AGRN: variants seen among roughly 807,000 people sequenced by gnomAD.
The protein encoded by AGRN is agrin proteoglycan.
AGRN carries 106 observed loss-of-function variants against 211.0 expected under a neutral mutation model. That is an observed-to-expected ratio of 0.50 (90% CI 0.43 to 0.59). The LOEUF (loss-of-function observed/expected upper bound fraction) is 0.59. Among genes scored for constraint, AGRN ranks in the 20% least tolerant of loss-of-function variants. The probability of loss-of-function intolerance (pLI) is 0.00; values close to 1 mark genes in which losing one functional copy is unlikely to be tolerated. For missense variants in AGRN, 3,040 were observed against 2,982.6 expected, an observed-to-expected ratio of 1.02 and a Z score of -0.45; for synonymous variants, 1,525 against 1,332.5, an observed-to-expected ratio of 1.14 and a Z score of -3.15.
chr1:1,046,837 G>A lies in AGRN; in HGVS notation c.3268G>A (p.Gly1090Ser). 6.3e-7 allele frequency: 1 copy of A among 1,586,002 alleles called. No homozygotes were observed. The highest frequency in any genetic ancestry group is 1.1e-5 in the South Asian group (1 of 87,486). ...CTCCCCAGGGCTCGAGCCCTTGGAG[G>A]GCAGCAGCGTGGCCACCCCTGGGCC... ...GGSGGLEPLE[G>S]SSVATPGPPV... The change falls in exon 19 of 36, where the codon GGC (glycine) becomes AGC (serine). Residue 1090 changes from glycine to serine, a missense_variant. Gly to Ser is a moderately conservative substitution (Grantham distance 56). Around this residue, in one of 3 missense-constraint regions of AGRN, gnomAD observed 1,537 missense variants for 1,505.0 expected, o/e 1.02. Transcript: ENST00000379370.
Position 1,055,199 on chromosome 1 carries a change from C to T in AGRN, c.*218C>T. On this transcript the variant is annotated 3_prime_UTR_variant, in exon 36 of 36. Transcript: ENST00000379370. Reference sequence around the variant, plus strand: ...CGGCGTGGATGGCAGCCTCAGGACACACACCCCTGCCTCAAGGTGCTGAGC... The same window carrying T: ...CGGCGTGGATGGCAGCCTCAGGACATACACCCCTGCCTCAAGGTGCTGAGC... 2 of 712,904 alleles carry T rather than the reference C, an allele frequency of 2.8e-6. No homozygotes were observed. The highest frequency in any genetic ancestry group is 1.7e-5 in the South Asian group (1 of 58,106). The allele number at this position is 712,904 out of a possible 1,614,324, so 44.2% of individuals were successfully genotyped here. A position where few individuals can be genotyped will look rare whatever the true frequency, so the allele number is the denominator to read the frequency against.
rs929111684 is a variant in AGRN at position 1,047,058 on chromosome 1, C to A, written c.3388+101C>A. 2.6e-5 allele frequency: 39 copies of A among 1,520,648 alleles called. No homozygotes were observed. In the African/African-American group the frequency reaches 5.0e-4, roughly 19 times the overall value. The allele number at this position is 1,520,648 out of a possible 1,614,324, so 94.2% of individuals were successfully genotyped here. A position where few individuals can be genotyped will look rare whatever the true frequency, so the allele number is the denominator to read the frequency against. On this transcript the variant is annotated intron_variant, in intron 19 of 35. Coordinates refer to ENST00000379370, the MANE Select transcript of AGRN (RefSeq NM_198576.4). ...GCAGGTCAGTGCCGGGGGTTATGGT[C>A]TTGGGACTCGGCCCCCTCAAACATG...
Position 1,049,292 on chromosome 1 carries a change from G to A in AGRN, c.4355G>A (p.Gly1452Asp), listed in dbSNP as rs1645202300. The A allele has an allele frequency of 1.3e-6, 2 of 1,597,024 alleles. No individual in the cohort carries two copies. The highest frequency in any genetic ancestry group is 1.7e-6 in the Non-Finnish European group (2 of 1,178,690). The change falls in exon 25 of 36, where the codon GGC becomes GAC. Residue 1452 changes from glycine to aspartate, a missense_variant. By Grantham distance (94) the Gly-to-Asp change is moderately conservative (BLOSUM62 -1). Around this residue, in one of 3 missense-constraint regions of AGRN, gnomAD observed 1,537 missense variants for 1,505.0 expected, o/e 1.02. Coordinates refer to ENST00000379370, the MANE Select transcript of AGRN (RefSeq NM_198576.4). ...VLTSAVPVEP[G>D]QWHRLELSRH... Reference sequence around the variant, plus strand: ...ACCAGTGCCGTGCCGGTAGAGCCGGGCCAGTGGCACCGCCTGGAGCTGTCC... The same window carrying A: ...ACCAGTGCCGTGCCGGTAGAGCCGGACCAGTGGCACCGCCTGGAGCTGTCC...
intron 2 of AGRN, among the ~76,000 whole-genome samples, chr1:1,024,962 G>T (rs941761515): frequency 2.6e-5 from 4 of 152,202 alleles, no homozygotes; most frequent in Admixed American, 2.6e-4. Context: ...CAGGGCTGGC[G>T]GCTGAGCGGG....
At chr1:1,020,894 G>A (rs866736636) in intron 1 of AGRN, among the ~76,000 whole-genome samples, 2 of 147,424 alleles carry the variant, frequency 1.4e-5, no homozygotes, top group African/African-American at 5.0e-5. Context: ...GCCGTCACCG[G>A]GCCTCGTGTG....
At chr1:1,049,847 G>C in intron 26 of AGRN, 52 bp downstream of exon 26, 1 of 1,611,224 alleles carries the variant, frequency 6.2e-7, no homozygotes, top group African/African-American at 1.3e-5. Context: ...CCTGTGGGCG[G>C]TACCCAACCG....
At position 1,022,313 on chromosome 1, in the gene AGRN, A is replaced by G. The variant is rs879253787; in HGVS notation, c.314A>G (p.Asn105Ser). Residue 105 changes from asparagine to serine, a missense_variant, in exon 2 of 36, where the codon AAC (asparagine) becomes AGC (serine). Asn to Ser is a conservative substitution (Grantham distance 46). Transcript: ENST00000379370. ...SGFGDPLICD[N>S]QVSTGDTRIF... is the part of the protein sequence containing the mutation. Reference sequence around the variant, plus strand: ...TTTGGAGACCCCCTCATCTGTGACAACCAGGTGTCCACTGGGGACACCAGG... The same window carrying G: ...TTTGGAGACCCCCTCATCTGTGACAGCCAGGTGTCCACTGGGGACACCAGG... The G allele has an allele frequency of 1.2e-6, 2 of 1,613,174 alleles. No individual in the cohort carries two copies. The highest frequency in any genetic ancestry group is 1.7e-6 in the Non-Finnish European group (2 of 1,180,008).
Position 1,032,092 on chromosome 1 carries a change from T to A in AGRN, c.464-3185T>A, listed in dbSNP as rs1362889151. Among the ~76,000 whole-genome samples the A allele has an allele frequency of 6.6e-6, 1 of 151,224 alleles. No individual in the cohort carries two copies. The highest frequency in any genetic ancestry group is 1.5e-5 in the Non-Finnish European group (1 of 67,838). ...AGTGCCAAGGTCCAGCAGGGTGGGG[T>A]GGTTGGGGTAGGAGCTCCCCTGAGG... On this transcript the variant is annotated intron_variant, in intron 2 of 35. Transcript: ENST00000379370. The surrounding 1 kb of genome is among the most constrained non-coding windows in gnomAD (Gnocchi z 4.7).
In AGRN at chr1:1,045,407, C is replaced by A; in HGVS notation, c.2420C>A (p.Pro807Gln). The change falls in exon 14 of 36, where the codon CCA becomes CAA. Residue 807 changes from proline to glutamine, a missense_variant. Pro to Gln is a moderately conservative substitution (Grantham distance 76). This residue lies in a region of AGRN where 1,498 missense variants were observed against 1,457.8 expected (regional missense o/e 1.03). Coordinates refer to ENST00000379370, the MANE Select transcript of AGRN (RefSeq NM_198576.4). Reference sequence around the variant, plus strand: ...GGCTCTTACGGCGGCACCTGTGACCCAGCCACAGGCCAGTGCTCCTGCCGC... The same window carrying A: ...GGCTCTTACGGCGGCACCTGTGACCAAGCCACAGGCCAGTGCTCCTGCCGC... ...PHGSYGGTCD[P>Q]ATGQCSCRPG... 3 of 1,611,922 alleles carry A rather than the reference C, an allele frequency of 1.9e-6. No homozygotes were observed. The highest frequency in any genetic ancestry group is 2.5e-6 in the Non-Finnish European group (3 of 1,179,810).
At chr1:1,034,809 C>T (rs1016949869) in intron 2 of AGRN, 21 of 749,612 alleles carry the variant, frequency 2.8e-5, no homozygotes, top group South Asian at 4.8e-5. Flanking sequence ...CCGGCAGCTT[C>T]CCGGGGATGG....
intron 33 of AGRN, chr1:1,052,789 CATGT>C (rs1283919720): frequency 2.8e-4 from 43 of 151,400 alleles, no homozygotes; most frequent in Middle Eastern, 3.9e-3. Flanking sequence ...CACATGGGTC[CATGT>C]ATGTGTGTGT....
rs1645284499 is a variant in AGRN at position 1,051,377 on chromosome 1, G to A, written c.5370+8G>A. The A allele has an allele frequency of 9.0e-6, 14 of 1,559,078 alleles. No individual in the cohort carries two copies. Among genetic ancestry groups the A allele is most frequent in the Non-Finnish European group, 1.1e-5 (13 of 1,153,730 alleles). On this transcript the variant is annotated splice_region_variant and intron_variant, in intron 31 of 35. Transcript: ENST00000379370. ...GACGGTGCCATCCAGCTGGTATGTG[G>A]GGGCGGGGCGTCCCAGCAGGGCCTC...
At chr1:1,029,202 C>A (rs1292606829) in intron 2 of AGRN, among the ~76,000 whole-genome samples, 1 of 152,224 alleles carries the variant, frequency 6.6e-6, no homozygotes, top group East Asian at 1.9e-4. Flanking sequence ...CCAACCCCCA[C>A]CTTCTGAGGG....
chr1:1,046,514 G>T lies in AGRN; in HGVS notation c.3029G>T (p.Ser1010Ile). ...PPGALPLAPS[S>I]TAHSQTTPPP... Reference sequence around the variant, plus strand: ...GGCGCCCTCCCCCTGGCTCCCAGCAGTACCGCACACAGCCAGACCACCCCT... The same window carrying T: ...GGCGCCCTCCCCCTGGCTCCCAGCATTACCGCACACAGCCAGACCACCCCT... The change falls in exon 18 of 36, where the codon AGT becomes ATT. Residue 1010 changes from serine (S) to isoleucine (I), a missense_variant. Ser to Ile is a moderately radical substitution (Grantham distance 142). This residue lies in a region of AGRN where 1,537 missense variants were observed against 1,505.0 expected (regional missense o/e 1.02). Coordinates refer to ENST00000379370, the MANE Select transcript of AGRN (RefSeq NM_198576.4). 1 of 1,609,794 alleles carries T rather than the reference G, an allele frequency of 6.2e-7. No homozygotes were observed. Among genetic ancestry groups the T allele is most frequent in the Non-Finnish European group, 8.5e-7 (1 of 1,178,014 alleles).
rs374230348 is a variant in AGRN at position 1,041,965 on chromosome 1, C to G, written c.1187C>G (p.Pro396Arg). The G allele has an allele frequency of 6.2e-7, 1 of 1,611,530 alleles. No individual in the cohort carries two copies. Among genetic ancestry groups the G allele is most frequent in the South Asian group, 1.1e-5 (1 of 91,066 alleles). ...CACCCCTGCGTCCTAGACCAGTGCC[C>G]GGAGCCCTGCCGGTTCAATGCCGTG... is the stretch of plus-strand genomic sequence containing the variant. Reference protein sequence around the residue: ...SGQCQGRDQCPEPCRFNAVCL... With the variant: ...SGQCQGRDQCREPCRFNAVCL... Residue 396 changes from proline (P) to arginine (R), a missense_variant, in exon 7 of 36, where the codon CCG becomes CGG. This residue lies in a region of AGRN where 1,498 missense variants were observed against 1,457.8 expected (regional missense o/e 1.03). Coordinates refer to ENST00000379370, the MANE Select transcript of AGRN (RefSeq NM_198576.4).
Position 1,043,883 on chromosome 1 carries a change from G to C in AGRN, c.1859G>C (p.Cys620Ser). Reference protein sequence around the residue: ...GAVCSAGQCVCPRCEHPPPGP... With the variant: ...GAVCSAGQCVSPRCEHPPPGP... The stretch of plus-strand genomic sequence containing the variant: ...GTGTGCTCCGCAGGGCAGTGTGTGT[G>C]TCCCCGGTGTGAGCACCCCCCGCCC... The change falls in exon 10 of 36, where the codon TGT becomes TCT. Residue 620 changes from cysteine (C) to serine (S), a missense_variant. Around this residue, in one of 3 missense-constraint regions of AGRN, gnomAD observed 1,498 missense variants for 1,457.8 expected, o/e 1.03. Transcript: ENST00000379370. 1.2e-6 allele frequency: 2 copies of C among 1,611,532 alleles called. No homozygotes were observed. Among genetic ancestry groups the C allele is most frequent in the Non-Finnish European group, 1.7e-6 (2 of 1,179,814 alleles).
Position 1,031,080 on chromosome 1 carries a change from AGT to A in AGRN, c.464-4193_464-4192del, listed in dbSNP as rs1321233824. Among the ~76,000 whole-genome samples the A allele has an allele frequency of 2.5e-4, 23 of 91,582 alleles. 1 individual carries two copies. Among genetic ancestry groups the A allele is most frequent in the African/African-American group, 1.0e-3 (21 of 21,056 alleles). 60.1% of individuals were successfully genotyped at this position (91,582 alleles called of 152,430 possible). On this transcript the variant is annotated intron_variant, in intron 2 of 35. Transcript: ENST00000379370. The surrounding 1 kb of genome is among the most constrained non-coding windows in gnomAD (Gnocchi z 4.8). ...TGTGTGTGCAGTGCATGGTGCTGTG[AGT>A]GTGATTGTGTGTGTGTGTGTGCGGT...
chr1:1,043,339 G>T lies in AGRN; in HGVS notation c.1485G>T (p.Ser495=), dbSNP rs778442558. Residue 495 remains serine (S), a synonymous_variant, in exon 8 of 36, where the codon TCG becomes TCT. Transcript: ENST00000379370. Reference sequence around the variant, plus strand: ...CGTGTGAATGCCTGCAGGCGTGCTCGAGCCTCTACGATCCTGTGTGCGGCA... The same window carrying T: ...CGTGTGAATGCCTGCAGGCGTGCTCTAGCCTCTACGATCCTGTGTGCGGCA... The part of the protein sequence containing the change: ...QAACECLQAC[S]SLYDPVCGSD... 2 of 1,610,224 alleles carry T rather than the reference G, an allele frequency of 1.2e-6. No individual in the cohort carries two copies. The highest frequency in any genetic ancestry group is 1.7e-6 in the Non-Finnish European group (2 of 1,179,014).
chr1:1,048,945 G>T lies in AGRN; in HGVS notation c.4184G>T (p.Arg1395Leu), dbSNP rs754594165. ...FPTLRAYHTL[R>L]LALEFRALEP... ...ACTCTCCGCGCCTACCACACGCTGC[G>T]CCTGGCACTGGAATTCCGGGCGCTG... is the stretch of plus-strand genomic sequence containing the variant. The change falls in exon 24 of 36, where the codon CGC becomes CTC. Residue 1395 changes from arginine (R) to leucine (L), a missense_variant. Arg to Leu is a moderately radical substitution (Grantham distance 102). This residue lies in a region of AGRN where 1,537 missense variants were observed against 1,505.0 expected (regional missense o/e 1.02). Coordinates refer to ENST00000379370, the MANE Select transcript of AGRN (RefSeq NM_198576.4). This position sits in a 1 kb window ranked among gnomAD's most constrained non-coding sequence, Gnocchi z 5.9. 1.9e-6 allele frequency: 3 copies of T among 1,567,412 alleles called. No individual in the cohort carries two copies. The highest frequency in any genetic ancestry group is 1.7e-6 in the Non-Finnish European group (2 of 1,157,690).
Sources: allele counts gnomAD v4.1 joint callset (sites outside exome capture counted in the v4.1 genomes callset), GRCh38; gene constraint gnomAD v4.1.1; regional missense constraint gnomAD v4.1.1; non-coding constraint Gnocchi (gnomAD v3.1); transcripts MANE v1.5; gene names NCBI Gene and HGNC (gene_info 2026-07-23, HGNC 2026-07-21).